The following STAT4 variants were observed in gnomAD, a reference collection of about 807,000 sequenced individuals.
STAT4 encodes the protein signal transducer and activator of transcription 4.
Under a neutral mutation model 110.5 loss-of-function variants are expected in STAT4, and 42 were observed. The observed-to-expected ratio is 0.38, with a 90% CI of 0.30 to 0.49. The LOEUF (loss-of-function observed/expected upper bound fraction) is 0.49. Among genes scored for constraint, STAT4 ranks in the 20% least tolerant of loss-of-function variants. The pLI, the probability that STAT4 is intolerant of heterozygous loss-of-function variation, is 0.95. For missense variants in STAT4, 632 were observed against 887.9 expected, an observed-to-expected ratio of 0.71 and a Z score of 3.66; for synonymous variants, 284 against 302.2, an observed-to-expected ratio of 0.94 and a Z score of 0.63.
chr2:191,091,843 T>C lies in STAT4; in HGVS notation c.274-15518A>G, dbSNP rs73981270. On this transcript the variant is annotated intron_variant, in intron 3 of 23. Coordinates refer to ENST00000392320, the MANE Select transcript of STAT4 (RefSeq NM_003151.4). This position sits in a 1 kb window ranked among gnomAD's most constrained non-coding sequence, Gnocchi z 5.4. ...GAGTGTTGACTTACTTTTAACCAAT[T>C]AACCATCAAGTTCATTGTCTCTAAG... is the stretch of plus-strand genomic sequence containing the variant. 0.02 allele frequency among the ~76,000 whole-genome samples: 3,039 copies of C among 152,280 alleles called. 60 individuals carry two copies. Among genetic ancestry groups the C allele is most frequent in the Middle Eastern group, 0.044 (13 of 294 alleles).
rs1696882009 is a variant in STAT4 at position 191,062,683 on chromosome 2, T to G, written c.941+79A>C. 1 of 1,522,464 alleles carries G rather than the reference T, an allele frequency of 6.6e-7. No individual in the cohort carries two copies. The highest frequency in any genetic ancestry group is 1.4e-5 in the African/African-American group (1 of 72,380). 94.3% of individuals were successfully genotyped at this position (1,522,464 alleles called of 1,614,324 possible). On this transcript the variant is annotated intron_variant, in intron 9 of 23. Transcript: ENST00000392320. The surrounding 1 kb of genome is among the most constrained non-coding windows in gnomAD (Gnocchi z 4.9). ...TTGTTGAATACTTCCCTGCCACTCT[T>G]CCACCTAAACACCAAAACCTTAGGA...
chr2:191,038,604 C>T (rs1574697888), intron 16 of STAT4, among the ~76,000 whole-genome samples: 1 of 152,090 alleles, frequency 6.6e-6, no homozygotes. Context: ...TTTGCCACTC[C>T]CTTCCCTGGT....
At chr2:191,087,113 G>A (rs186714194) in intron 3 of STAT4, among the ~76,000 whole-genome samples, 22 of 152,104 alleles carry the variant, frequency 1.4e-4, no homozygotes, top group East Asian at 5.8e-4. Flanking sequence ...CTGCAATGTC[G>A]CCTCCTGGAA....
intron 3 of STAT4, among the ~76,000 whole-genome samples, chr2:191,139,036 T>C (rs1405635853): frequency 6.6e-6 from 1 of 151,922 alleles, no homozygotes; most frequent in South Asian, 2.1e-4. Context: ...GAAAAAGTCT[T>C]TGATAAAATC....
At chr2:191,081,636 C>T (rs1403315193) in intron 3 of STAT4, among the ~76,000 whole-genome samples, 3 of 152,124 alleles carry the variant, frequency 2.0e-5, no homozygotes, top group African/African-American at 4.8e-5. Flanking sequence ...GCATAAATGT[C>T]TTCTTTTGGG....
chr2:191,055,412 G>A (rs1336355818), intron 13 of STAT4, among the ~76,000 whole-genome samples: 2 of 130,292 alleles, frequency 1.5e-5, no homozygotes, highest in Non-Finnish European at 3.1e-5. Flanking sequence ...GTAGAGACGG[G>A]GTTTCACTGT....
intron 3 of STAT4, among the ~76,000 whole-genome samples, chr2:191,132,693 A>G (rs1699068263): frequency 6.6e-6 from 1 of 151,710 alleles, no homozygotes; most frequent in Admixed American, 6.6e-5. Context: ...CATGGAGTGA[A>G]CAGACAACTG....
chr2:191,126,642 G>A (rs886102809), intron 3 of STAT4, among the ~76,000 whole-genome samples: 1 of 152,148 alleles, frequency 6.6e-6, no homozygotes, highest in Non-Finnish European at 1.5e-5. Flanking sequence ...CTCTGGGTTG[G>A]CAGCTTCTCT....
chr2:191,042,777 CT>C lies in STAT4; in HGVS notation c.1252-1630del, dbSNP rs397740293. Among the ~76,000 whole-genome samples, 1,880 of 147,558 alleles carry C rather than the reference CT, an allele frequency of 0.013. 15 individuals are homozygous for C. The highest frequency in any genetic ancestry group is 0.032 in the South Asian group (150 of 4,686). ...CTTAAATTCATTCATTGTATTCTCT[CT>C]TTTTTTTTTTTCTTTTTTGAGATGC... On this transcript the variant is annotated intron_variant, in intron 14 of 23. Coordinates refer to ENST00000392320, the MANE Select transcript of STAT4 (RefSeq NM_003151.4). This position sits in a 1 kb window ranked among gnomAD's most constrained non-coding sequence, Gnocchi z 4.2.
At chr2:191,134,421 A>C (rs1179627188) in intron 3 of STAT4, among the ~76,000 whole-genome samples, 3 of 152,136 alleles carry the variant, frequency 2.0e-5, no homozygotes, top group Non-Finnish European at 4.4e-5. Context: ...TGGTGCCAGC[A>C]TACTCCACAC....
intron 3 of STAT4, among the ~76,000 whole-genome samples, chr2:191,092,944 C>T (rs1031556356): frequency 3.3e-5 from 5 of 152,170 alleles, no homozygotes; most frequent in East Asian, 3.9e-4. Flanking sequence ...TTGCTCACTG[C>T]TAGTGCAGCA....
intron 3 of STAT4, among the ~76,000 whole-genome samples, chr2:191,122,954 G>C (rs1292023221): frequency 1.3e-5 from 2 of 152,174 alleles, no homozygotes; most frequent in African/African-American, 4.8e-5. Context: ...ATTAAACTTT[G>C]TGTGTTTTAC....
Position 191,146,696 on chromosome 2 carries a change from G to C in STAT4, c.190C>G (p.Leu64Val). ...TILLQNLLIQ[L>V]DEQLGRVSKE... ...GAAACACGACCTAACTGTTCATCCA[G>C]TTGTATTAACAAGTTTTGAAGAAGA... Residue 64 changes from leucine to valine, a missense_variant, in exon 3 of 24, where the codon CTG becomes GTG. Leu to Val is a conservative substitution (Grantham distance 32, BLOSUM62 1). This residue lies in a region of STAT4 where 488 missense variants were observed against 632.8 expected (regional missense o/e 0.77). Coordinates refer to ENST00000392320, the MANE Select transcript of STAT4 (RefSeq NM_003151.4). The surrounding 1 kb of genome is among the most constrained non-coding windows in gnomAD (Gnocchi z 4.5). 6.3e-7 allele frequency: 1 copy of C among 1,589,600 alleles called. No homozygotes were observed. The highest frequency in any genetic ancestry group is 8.6e-7 in the Non-Finnish European group (1 of 1,168,644).
rs988761054 is a variant in STAT4, at chr2:191,062,118, G to A, written c.942-297C>T. ...TGCCCAGGCTGAAGTGCAGTGGCACGATCATAGCTCACTGCAGTCTCAACC... is the reference window on the plus strand; with the variant it reads ...TGCCCAGGCTGAAGTGCAGTGGCACAATCATAGCTCACTGCAGTCTCAACC... On this transcript the variant is annotated intron_variant, in intron 9 of 23. Coordinates refer to ENST00000392320, the MANE Select transcript of STAT4 (RefSeq NM_003151.4). This position sits in a 1 kb window ranked among gnomAD's most constrained non-coding sequence, Gnocchi z 4.9. 6.6e-6 allele frequency among the ~76,000 whole-genome samples: 1 copy of A among 152,108 alleles called. No homozygotes were observed. Among genetic ancestry groups the A allele is most frequent in the Admixed American group, 6.5e-5 (1 of 15,274 alleles).
At chr2:191,081,520 T>TA (rs1697480376) in intron 3 of STAT4, among the ~76,000 whole-genome samples, 1 of 152,218 alleles carries the variant, frequency 6.6e-6, no homozygotes, top group Non-Finnish European at 1.5e-5. Flanking sequence ...CCTGACTTTT[T>TA]AATGATTGTC....
At chr2:191,065,009 T>C in intron 7 of STAT4, 51 bp from the exon 8 acceptor site, 3 of 1,452,500 alleles carry the variant, frequency 2.1e-6, no homozygotes, top group Non-Finnish European at 2.7e-6. Context: ...ATAAGTCACT[T>C]AGAATTCAAT....
intron 3 of STAT4, among the ~76,000 whole-genome samples, chr2:191,097,701 T>G (rs1049863573): frequency 6.6e-6 from 1 of 152,184 alleles, no homozygotes; most frequent in Non-Finnish European, 1.5e-5. Context: ...ATTCAGGACA[T>G]AGGCATGAGC....
At chr2:191,078,190 T>C (rs1212716179) in intron 3 of STAT4, among the ~76,000 whole-genome samples, 1 of 152,178 alleles carries the variant, frequency 6.6e-6, no homozygotes, top group Admixed American at 6.5e-5. Context: ...AGGATCCTTT[T>C]TAGTTCTCAG....
At chr2:191,130,324 G>A (rs1010741723) in intron 3 of STAT4, among the ~76,000 whole-genome samples, 3 of 148,802 alleles carry the variant, frequency 2.0e-5, no homozygotes, top group Non-Finnish European at 3.0e-5. Flanking sequence ...CTGGGTTCAC[G>A]CCATTCTCCT....
Sources: gnomAD v4.1 joint callset for allele counts (sites outside exome capture counted in the v4.1 genomes callset) on GRCh38, gnomAD v4.1.1 for gene constraint, gnomAD v4.1.1 regional missense constraint, Gnocchi (gnomAD v3.1) non-coding constraint, MANE v1.5 for transcripts, NCBI Gene and HGNC (gene_info 2026-07-23, HGNC 2026-07-21) for gene names.